ZMAT4: variants seen among roughly 807,000 people sequenced by gnomAD.
ZMAT4 encodes zinc finger matrin-type 4.
ZMAT4 carries 17 observed loss-of-function variants against 28.7 expected under a neutral mutation model. The observed-to-expected ratio is 0.59, with a 90% CI of 0.41 to 0.89. ZMAT4 has a LOEUF of 0.89. Among genes scored for constraint, ZMAT4 ranks in the 40% least tolerant of loss-of-function variants. The pLI is 0.00. For synonymous variants in ZMAT4, 117 were observed against 109.2 expected, an observed-to-expected ratio of 1.07 and a Z score of -0.44; for missense variants, 240 against 283.8, an observed-to-expected ratio of 0.85 and a Z score of 1.11.
intron 6 of ZMAT4, among the ~76,000 whole-genome samples, chr8:40,560,027 T>C (rs2118461341): frequency 6.6e-6 from 1 of 152,176 alleles, no homozygotes. Context: ...TGTGCATTTT[T>C]GCTCCCTGAG....
At chr8:40,538,639 A>G (rs1466021975) in intron 6 of ZMAT4, among the ~76,000 whole-genome samples, 1 of 152,106 alleles carries the variant, frequency 6.6e-6, no homozygotes, top group Non-Finnish European at 1.5e-5. Context: ...TCACTTACAG[A>G]ACTCGAAATC....
At chr8:40,773,611 T>A (rs1813476203) in intron 2 of ZMAT4, among the ~76,000 whole-genome samples, 1 of 152,230 alleles carries the variant, frequency 6.6e-6, no homozygotes, top group South Asian at 2.1e-4. Context: ...GTAGAAGTTT[T>A]AAATGGCACT....
At chr8:40,814,490 T>C (rs1815454561) in intron 2 of ZMAT4, among the ~76,000 whole-genome samples, 1 of 152,230 alleles carries the variant, frequency 6.6e-6, no homozygotes, top group Non-Finnish European at 1.5e-5. Flanking sequence ...TGTGCATCAC[T>C]ACACAAGTAT....
At chr8:40,611,133 T>C (rs1304655257) in intron 5 of ZMAT4, among the ~76,000 whole-genome samples, 1 of 152,340 alleles carries the variant, frequency 6.6e-6, no homozygotes. Flanking sequence ...TAATGGACTA[T>C]GCAATAGCTT....
intron 2 of ZMAT4, among the ~76,000 whole-genome samples, chr8:40,794,881 C>CG (rs1814520988): frequency 7.2e-6 from 1 of 139,250 alleles, no homozygotes; most frequent in South Asian, 2.5e-4. Flanking sequence ...TTACAGGTGG[C>CG]GGGGGAGGGT....
At chr8:40,695,873 A>G (rs1809864967) in intron 4 of ZMAT4, among the ~76,000 whole-genome samples, 1 of 140,704 alleles carries the variant, frequency 7.1e-6, no homozygotes, top group Non-Finnish European at 1.5e-5. Flanking sequence ...CTCTTCCATC[A>G]TTACCTCCAA....
intron 3 of ZMAT4, among the ~76,000 whole-genome samples, chr8:40,736,085 A>C (rs4560770): frequency 0.97 from 147,605 of 152,262 alleles, 71,710 homozygotes; most frequent in East Asian, 1. Flanking sequence ...GTATAAAGTC[A>C]ACCAATGCTA....
chr8:40,801,046 A>G (rs1256985399), intron 2 of ZMAT4, among the ~76,000 whole-genome samples: 1 of 151,990 alleles, frequency 6.6e-6, no homozygotes, highest in Non-Finnish European at 1.5e-5. Context: ...ACATTACTAC[A>G]GGTCTCATGA....
In ZMAT4 at chr8:40,597,070, A is replaced by T. The variant is rs571858025; in HGVS notation, c.578-15809T>A. ...TTTAAGATTATAATCTATGTGAGATATGGGGATGGATGGATGGATGGATAA... is the reference window on the plus strand; with the variant it reads ...TTTAAGATTATAATCTATGTGAGATTTGGGGATGGATGGATGGATGGATAA... On this transcript the variant is annotated intron_variant, in intron 5 of 6. Transcript: ENST00000297737. Among the ~76,000 whole-genome samples the T allele has an allele frequency of 3.9e-5, 6 of 152,308 alleles. No homozygotes were observed. In the South Asian group the frequency reaches 1.2e-3, roughly 32 times the overall value.
intron 1 of ZMAT4, among the ~76,000 whole-genome samples, chr8:40,858,093 A>G (rs576672884): frequency 8.3e-5 from 12 of 143,872 alleles, no homozygotes; most frequent in Admixed American, 6.8e-4. Context: ...CATTTGTCAA[A>G]GCTCACTGAG....
intron 3 of ZMAT4, among the ~76,000 whole-genome samples, chr8:40,733,885 G>A (rs1037373073): frequency 2.0e-5 from 3 of 152,066 alleles, no homozygotes; most frequent in Non-Finnish European, 2.9e-5. Context: ...ACACATCCTT[G>A]CCCTGAAGGT....
chr8:40,842,160 G>A (rs544765722), intron 1 of ZMAT4, among the ~76,000 whole-genome samples: 1 of 152,312 alleles, frequency 6.6e-6, no homozygotes, highest in East Asian at 1.9e-4. Flanking sequence ...GGCTCCTGGG[G>A]GCAGCAATGG....
At chr8:40,601,491 AAGAG>A (rs1470101781) in intron 5 of ZMAT4, among the ~76,000 whole-genome samples, 17 of 144,898 alleles carry the variant, frequency 1.2e-4, no homozygotes, top group Middle Eastern at 3.6e-3. Flanking sequence ...GAAAGAAAGA[AAGAG>A]AGAAAGAAAG....
At chr8:40,823,643 A>G (rs1815910980) in intron 2 of ZMAT4, among the ~76,000 whole-genome samples, 1 of 152,114 alleles carries the variant, frequency 6.6e-6, no homozygotes, top group African/African-American at 2.4e-5. Context: ...TGGGTGACAG[A>G]GTGAGACTCC....
At chr8:40,762,186 A>T (rs1270718965) in intron 3 of ZMAT4, among the ~76,000 whole-genome samples, 1 of 152,224 alleles carries the variant, frequency 6.6e-6, no homozygotes, top group South Asian at 2.1e-4. Context: ...CTGCCATAGT[A>T]CTAAGTGAAT....
chr8:40,862,409 G>A (rs1817526954), intron 1 of ZMAT4, among the ~76,000 whole-genome samples: 1 of 130,934 alleles, frequency 7.6e-6, no homozygotes, highest in Admixed American at 7.8e-5. Context: ...ATCACACTCT[G>A]GGGACTGTGG....
At chr8:40,679,651 C>G (rs1368001214) in intron 4 of ZMAT4, among the ~76,000 whole-genome samples, 1 of 152,096 alleles carries the variant, frequency 6.6e-6, no homozygotes, top group African/African-American at 2.4e-5. Context: ...CCCACTGGGT[C>G]CCCCCTCCCA....
intron 5 of ZMAT4, among the ~76,000 whole-genome samples, chr8:40,626,632 A>AT (rs1476991339): frequency 3.1e-4 from 47 of 152,278 alleles, no homozygotes; most frequent in African/African-American, 1.1e-3. Context: ...TCTTTTTGTG[A>AT]TATCCCCCTG....
intron 5 of ZMAT4, among the ~76,000 whole-genome samples, chr8:40,599,995 ATG>A (rs1317781666): frequency 6.6e-6 from 1 of 152,196 alleles, no homozygotes; most frequent in African/African-American, 2.4e-5. Context: ...GCACAGTCTC[ATG>A]TGTTGCCATG....
Sources: allele counts gnomAD v4.1 joint callset (sites outside exome capture counted in the v4.1 genomes callset), GRCh38; gene constraint gnomAD v4.1.1; transcripts MANE v1.5; gene names NCBI Gene and HGNC (gene_info 2026-07-23, HGNC 2026-07-21).